The following RFX3 variants were observed in gnomAD, a reference collection of about 807,000 sequenced individuals.
RFX3 encodes the protein regulatory factor X3, also known as transcription factor RFX3.
In RFX3, 14 loss-of-function variants were observed where a neutral mutation model predicts 98.6. That is an observed-to-expected ratio of 0.14 (90% CI 0.09 to 0.22). The LOEUF (loss-of-function observed/expected upper bound fraction) is 0.22, where lower values mean the gene tolerates loss of function less well. RFX3 is among the 10% of genes least tolerant of loss of function. The pLI is 1.00. For missense variants in RFX3, 639 were observed against 926.9 expected (o/e 0.69, Z 4.03); for synonymous variants, 383 against 328.4 (o/e 1.17, Z -1.80).
chr9:3,431,575 A>G (rs777873351), intron 1 of RFX3, among the ~76,000 whole-genome samples: 4 of 152,168 alleles, frequency 2.6e-5, no homozygotes, highest in African/African-American at 4.8e-5. Context: ...CAGCTTTTAT[A>G]TGGGTGCAGG....
chr9:3,446,634 T>A (rs1040649257), intron 1 of RFX3, among the ~76,000 whole-genome samples: 1 of 152,040 alleles, frequency 6.6e-6, no homozygotes, highest in African/African-American at 2.4e-5. Flanking sequence ...CTCTCACCAT[T>A]TAAAATTTCA....
At chr9:3,349,776 T>C (rs960375151) in intron 2 of RFX3, among the ~76,000 whole-genome samples, 5 of 152,116 alleles carry the variant, frequency 3.3e-5, no homozygotes, top group African/African-American at 1.2e-4. Context: ...GAACCTTGCT[T>C]CTTAAACTTA....
intron 1 of RFX3, among the ~76,000 whole-genome samples, chr9:3,446,434 G>A (rs1487729408): frequency 1.3e-5 from 2 of 151,956 alleles, no homozygotes; most frequent in African/African-American, 2.4e-5. Context: ...ATGTAAAATG[G>A]TTGGAAACCA....
chr9:3,412,810 G>A (rs1259835010), intron 1 of RFX3, among the ~76,000 whole-genome samples: 1 of 152,208 alleles, frequency 6.6e-6, no homozygotes, highest in Non-Finnish European at 1.5e-5. Context: ...AAAAATTATT[G>A]ATGCTGGCAA....
intron 1 of RFX3, among the ~76,000 whole-genome samples, chr9:3,396,567 G>A (rs1275215866): frequency 2.0e-5 from 3 of 152,128 alleles, no homozygotes; most frequent in Admixed American, 1.3e-4. Flanking sequence ...GTAACGGGAT[G>A]GCTGGGTCAA....
chr9:3,343,273 G>C (rs1230203946), intron 3 of RFX3, among the ~76,000 whole-genome samples: 1 of 152,140 alleles, frequency 6.6e-6, no homozygotes, highest in Non-Finnish European at 1.5e-5. Flanking sequence ...CATGTACTGG[G>C]TGCTCAAAAG....
chr9:3,412,365 T>A (rs1842532951), intron 1 of RFX3, among the ~76,000 whole-genome samples: 1 of 152,206 alleles, frequency 6.6e-6, no homozygotes, highest in Non-Finnish European at 1.5e-5. Flanking sequence ...TTATAAGGAA[T>A]GTTATGAATT....
intron 4 of RFX3, among the ~76,000 whole-genome samples, chr9:3,320,745 T>A (rs1237636269): frequency 8.6e-6 from 1 of 116,930 alleles, no homozygotes; most frequent in Non-Finnish European, 1.6e-5. Context: ...TGCCTATATA[T>A]ACATATAATG....
At chr9:3,445,294 T>C (rs1845950708) in intron 1 of RFX3, among the ~76,000 whole-genome samples, 1 of 145,512 alleles carries the variant, frequency 6.9e-6, no homozygotes, top group African/African-American at 2.4e-5. Context: ...TATGCAATTC[T>C]AAGCAGTTAA....
At chr9:3,394,739 A>C (rs34700106) in intron 2 of RFX3, 170,864 of 733,224 alleles carry the variant, frequency 0.23, 20,973 homozygotes, top group East Asian at 0.61. Flanking sequence ...CTTGAATCTC[A>C]AGATAATGTT....
chr9:3,408,012 C>A, intron 1 of RFX3, among the ~76,000 whole-genome samples: 1 of 152,106 alleles, frequency 6.6e-6, no homozygotes, highest in Non-Finnish European at 1.5e-5. Flanking sequence ...CAGGTACACA[C>A]CATAACGCCC....
rs567871240 is a variant in RFX3, at chr9:3,521,808, T to C, written c.-9+3939A>G. ...TTATTTCAGTAAAGGATGACAAAAG[T>C]TAACTTGTCATGTTAACCAAATTTC... is the stretch of plus-strand genomic sequence containing the variant. On this transcript the variant is annotated intron_variant, in intron 1 of 16. Coordinates refer to ENST00000617270, the MANE Select transcript of RFX3 (RefSeq NM_001282116.2). Among the ~76,000 whole-genome samples, 148 of 152,248 alleles carry C rather than the reference T, an allele frequency of 9.7e-4. 2 individuals carry two copies. In the South Asian group the frequency reaches 0.028, roughly 29 times the overall value.
At chr9:3,448,793 TG>T (rs1174785632) in intron 1 of RFX3, among the ~76,000 whole-genome samples, 1 of 152,220 alleles carries the variant, frequency 6.6e-6, no homozygotes, top group African/African-American at 2.4e-5. Flanking sequence ...GCACTGGGTT[TG>T]CAAGTGTGAG....
intron 1 of RFX3, among the ~76,000 whole-genome samples, chr9:3,444,942 C>T (rs529383089): frequency 1.3e-5 from 2 of 152,266 alleles, no homozygotes; most frequent in South Asian, 2.1e-4. Context: ...AGGAGAAATT[C>T]CTATGTGGGA....
At chr9:3,339,619 CA>C (rs1451993907) in intron 3 of RFX3, among the ~76,000 whole-genome samples, 14 of 152,288 alleles carry the variant, frequency 9.2e-5, no homozygotes, top group African/African-American at 3.1e-4. Context: ...GAGCACCTAT[CA>C]TGGGCCACTG....
chr9:3,333,226 C>G (rs1473997149), intron 3 of RFX3, among the ~76,000 whole-genome samples: 1 of 152,144 alleles, frequency 6.6e-6, no homozygotes, highest in Non-Finnish European at 1.5e-5. Context: ...TTATGCTAAA[C>G]TACTCCAAGA....
At chr9:3,409,770 A>G (rs566833872) in intron 1 of RFX3, among the ~76,000 whole-genome samples, 7 of 152,330 alleles carry the variant, frequency 4.6e-5, no homozygotes, top group Non-Finnish European at 7.4e-5. Flanking sequence ...GTTTTCAGAT[A>G]ATTGGCCTGC....
intron 1 of RFX3, among the ~76,000 whole-genome samples, chr9:3,414,857 AG>A: frequency 7.3e-6 from 1 of 137,796 alleles, no homozygotes; most frequent in Non-Finnish European, 1.5e-5. Context: ...AGTATATATG[AG>A]TATATATGTA....
intron 1 of RFX3, among the ~76,000 whole-genome samples, chr9:3,498,481 T>C (rs192333429): frequency 1.3e-5 from 2 of 152,106 alleles, no homozygotes; most frequent in East Asian, 3.9e-4. Context: ...AAAACACAAA[T>C]ATCAGTTTTA....
Sources: allele counts gnomAD v4.1 joint callset (sites outside exome capture counted in the v4.1 genomes callset), GRCh38; gene constraint gnomAD v4.1.1; transcripts MANE v1.5; gene names NCBI Gene and HGNC (gene_info 2026-07-23, HGNC 2026-07-21).